HK1: variants seen among roughly 807,000 people sequenced by gnomAD.
The protein encoded by HK1 is hexokinase 1.
In HK1, 28 loss-of-function variants were observed where a neutral mutation model predicts 91.6. That is an observed-to-expected ratio of 0.31 (90% CI 0.23 to 0.42). The LOEUF (loss-of-function observed/expected upper bound fraction) is 0.42, where lower values mean the gene tolerates loss of function less well. Ranked by LOEUF, HK1 falls within the 10% of genes least tolerant of loss-of-function variation. The pLI is 1.00. For synonymous variants in HK1, 430 were observed against 468.1 expected (o/e 0.92, Z 1.05); for missense variants, 770 against 1,219.8 (o/e 0.63, Z 5.49).
chr10:69,313,261 C>T (rs1170098274), upstream of HK1, among the ~76,000 whole-genome samples: 1 of 152,094 alleles, frequency 6.6e-6, no homozygotes, highest in African/African-American at 2.4e-5. Context: ...AAGCAGTGGG[C>T]TGGGTGGGGC....
intron 3 of HK1, among the ~76,000 whole-genome samples, chr10:69,293,962 C>A (rs1031679869): frequency 2.7e-5 from 4 of 150,388 alleles, no homozygotes; most frequent in South Asian, 2.1e-4. Context: ...CCCGGGTTCA[C>A]GCCATTCTCC....
At chr10:69,295,570 T>A (rs377612107) in intron 3 of HK1, 101 of 1,048,034 alleles carry the variant, frequency 9.6e-5, no homozygotes, top group Non-Finnish European at 1.4e-4. Context: ...AGCATCAATA[T>A]GTTGTGAATG....
At chr10:69,313,451 T>A (rs184228430), upstream of HK1, among the ~76,000 whole-genome samples, 1 of 152,318 alleles carries the variant, frequency 6.6e-6, no homozygotes, top group African/African-American at 2.4e-5. Context: ...GATTTTATTT[T>A]ATTTATTTTA....
intron 3 of HK1, among the ~76,000 whole-genome samples, chr10:69,363,824 T>C (rs931600906): frequency 6.6e-6 from 1 of 152,210 alleles, no homozygotes; most frequent in South Asian, 2.1e-4. Flanking sequence ...TCCTAAGATA[T>C]GTATGTACCT....
At chr10:69,375,228 C>T (rs56080587) in intron 7 of HK1, among the ~76,000 whole-genome samples, 1,753 of 152,260 alleles carry the variant, frequency 0.012, 26 homozygotes, top group African/African-American at 0.04. Flanking sequence ...TAGGAAGGGC[C>T]ACAGGCACTC....
At chr10:69,332,007 G>A (rs190942690) in intron 1 of HK1, among the ~76,000 whole-genome samples, 1 of 152,228 alleles carries the variant, frequency 6.6e-6, no homozygotes, top group African/African-American at 2.4e-5. Context: ...ATTGTTTGAG[G>A]CTGCAATGAG....
upstream of HK1, among the ~76,000 whole-genome samples, chr10:69,317,652 C>T (rs1846720430): frequency 6.6e-6 from 1 of 152,110 alleles, no homozygotes; most frequent in African/African-American, 2.4e-5. Flanking sequence ...ACAGCAAACC[C>T]TAGAGGTGAG....
chr10:69,388,677 G>A (rs963218482), intron 13 of HK1, among the ~76,000 whole-genome samples: 11 of 152,128 alleles, frequency 7.2e-5, no homozygotes, highest in Admixed American at 5.2e-4. Flanking sequence ...TCCTGGCTGC[G>A]TAGGATTCCA....
intron 1 of HK1, among the ~76,000 whole-genome samples, chr10:69,324,893 G>C (rs1282260953): frequency 1.3e-5 from 2 of 152,058 alleles, no homozygotes; most frequent in African/African-American, 4.8e-5. Flanking sequence ...CATTGTATTT[G>C]ATCTTAAAGA....
At chr10:69,342,162 A>AAAACAAAC (rs33984080) in intron 1 of HK1, among the ~76,000 whole-genome samples, 5,146 of 140,980 alleles carry the variant, frequency 0.037, 137 homozygotes, top group East Asian at 0.095. Context: ...ACCAACCCCA[A>AAAACAAAC]AAACAAACAA....
chr10:69,306,927 T>C (rs74857896), intron 5 of HK1, among the ~76,000 whole-genome samples: 5,314 of 152,202 alleles, frequency 0.035, 143 homozygotes, highest in African/African-American at 0.081. Context: ...GATTTTTGGG[T>C]TGTTCACCAC....
chr10:69,390,828 C>T (rs527564560), intron 14 of HK1, among the ~76,000 whole-genome samples: 197 of 152,336 alleles, frequency 1.3e-3, no homozygotes, highest in African/African-American at 4.6e-3. Flanking sequence ...TTAGGGTCCC[C>T]AGGTGATCCA....
At position 69,336,010 on chromosome 10, in the gene HK1, T is replaced by G. The variant is rs112227220; in HGVS notation, c.64-7817T>G. ...AAAACAAAAAGAACCATCCATCTCTTTATGTATGAGTGTTTGTTTAGGGAG... is the reference window on the plus strand; with the variant it reads ...AAAACAAAAAGAACCATCCATCTCTGTATGTATGAGTGTTTGTTTAGGGAG... On this transcript the variant is annotated intron_variant, in intron 1 of 17. Coordinates refer to ENST00000359426, the MANE Select transcript of HK1 (RefSeq NM_000188.3). Among the ~76,000 whole-genome samples the G allele has an allele frequency of 5.5e-4, 84 of 152,300 alleles. 1 individual carries two copies. The highest frequency in any genetic ancestry group is 1.9e-3 in the African/African-American group (81 of 41,564).
At chr10:69,352,893 T>C (rs1848949066) in intron 2 of HK1, among the ~76,000 whole-genome samples, 1 of 152,134 alleles carries the variant, frequency 6.6e-6, no homozygotes, top group South Asian at 2.1e-4. Context: ...TATATCTCAA[T>C]AAAACTGTTA....
Position 69,369,199 on chromosome 10 carries a change from G to T in HK1, c.592-38G>T. The T allele has an allele frequency of 6.8e-7, 1 of 1,464,962 alleles. No individual in the cohort carries two copies. The highest frequency in any genetic ancestry group is 9.6e-7 in the Non-Finnish European group (1 of 1,044,156). 90.7% of individuals were successfully genotyped at this position (1,464,962 alleles called of 1,614,324 possible). A position where few individuals can be genotyped will look rare whatever the true frequency, so the allele number is the denominator to read the frequency against. Reference sequence around the variant, plus strand: ...TAAGGTGTGTGATCTCTGCTCCCATGTGTGAGTGGACAATGACACCCCGTT... The same window carrying T: ...TAAGGTGTGTGATCTCTGCTCCCATTTGTGAGTGGACAATGACACCCCGTT... On this transcript the variant is annotated intron_variant, in intron 5 of 17. Transcript: ENST00000359426. The surrounding 1 kb of genome is among the most constrained non-coding windows in gnomAD (Gnocchi z 4.4).
chr10:69,389,146 A>C, intron 13 of HK1, 51 bp from the exon 14 acceptor site: 1 of 1,407,420 alleles, frequency 7.1e-7, no homozygotes, highest in Non-Finnish European at 1.0e-6. Context: ...GCAGCATTCA[A>C]GCCAGGCATA....
rs144923974 is a variant in HK1 at position 69,361,336 on chromosome 10, C to A, written c.375+1291C>A. Among the ~76,000 whole-genome samples the A allele has an allele frequency of 5.2e-4, 79 of 152,368 alleles. 1 individual carries two copies. The East Asian group carries it at 0.012, about 24-fold the overall frequency. On this transcript the variant is annotated intron_variant, in intron 3 of 17. Transcript: ENST00000359426. ...TGCAGAGACTGGCCCATCCATCTGG[C>A]GCCTGCACAAAGGCTGCCAGCTGGT...
At chr10:69,399,651 G>A (rs1460530253) in intron 17 of HK1, among the ~76,000 whole-genome samples, 1 of 152,172 alleles carries the variant, frequency 6.6e-6, no homozygotes, top group Admixed American at 6.5e-5. Context: ...CCTCTGGTCA[G>A]GCATCTGACC....
chr10:69,365,813 G>A (rs1589546649), intron 4 of HK1, among the ~76,000 whole-genome samples: 1 of 152,138 alleles, frequency 6.6e-6, no homozygotes, highest in African/African-American at 2.4e-5. Flanking sequence ...CAACCTGGGG[G>A]ACAGAGTGAG....
Sources: gnomAD v4.1 joint callset for allele counts (sites outside exome capture counted in the v4.1 genomes callset) on GRCh38, gnomAD v4.1.1 for gene constraint, Gnocchi (gnomAD v3.1) non-coding constraint, MANE v1.5 for transcripts, NCBI Gene and HGNC (gene_info 2026-07-23, HGNC 2026-07-21) for gene names.